RNF207: variants seen among roughly 807,000 people sequenced by gnomAD.
The protein encoded by RNF207 is OTTHUMG00000001089.
In RNF207, 72 loss-of-function variants were observed where a neutral mutation model predicts 79.0. The observed-to-expected ratio is 0.91, with a 90% confidence interval of 0.75 to 1.11. RNF207 has a LOEUF of 1.11. Ranked by LOEUF, RNF207 falls within the 50% of genes least tolerant of loss-of-function variation. The pLI, the probability that RNF207 is intolerant of heterozygous loss-of-function variation, is 0.00. For missense variants in RNF207, 936 were observed against 855.8 expected, an observed-to-expected ratio of 1.09 and a Z score of -1.17; for synonymous variants, 348 against 366.2, an observed-to-expected ratio of 0.95 and a Z score of 0.57.
chr1:6,210,511 C>G (rs1458576737), intron 10 of RNF207, 73 bp downstream of exon 10: 2 of 1,198,180 alleles, frequency 1.7e-6, no homozygotes, highest in East Asian at 4.7e-5. Flanking sequence ...GCCACCAACT[C>G]AGGGGTGGGC....
intron 16 of RNF207, among the ~76,000 whole-genome samples, chr1:6,216,592 G>A (rs573096377): frequency 7.5e-5 from 11 of 146,130 alleles, no homozygotes; most frequent in African/African-American, 2.9e-4. Context: ...ACCGAGTCTC[G>A]CTCTGTCGCC....
intron 16 of RNF207, among the ~76,000 whole-genome samples, chr1:6,215,331 CT>C (rs147320112): frequency 0.063 from 8,674 of 138,724 alleles, 350 homozygotes; most frequent in African/African-American, 0.14. Context: ...CCCGGCCCCC[CT>C]TTTTTTTTTT....
At chr1:6,216,599 C>T (rs1280470916) in intron 16 of RNF207, among the ~76,000 whole-genome samples, 15 of 149,426 alleles carry the variant, frequency 1.0e-4, no homozygotes, top group African/African-American at 3.2e-4. Flanking sequence ...CTCGCTCTGT[C>T]GCCCAAACTG....
At chr1:6,218,035 C>T (rs1668419147) in intron 16 of RNF207, among the ~76,000 whole-genome samples, 1 of 152,262 alleles carries the variant, frequency 6.6e-6, no homozygotes, top group Non-Finnish European at 1.5e-5. Context: ...CACCACACAC[C>T]CTTCCCTCCC....
Position 6,207,434 on chromosome 1 carries a change from C to G in RNF207, c.247C>G (p.Gln83Glu). 3 of 1,560,366 alleles carry G rather than the reference C, an allele frequency of 1.9e-6. No individual in the cohort carries two copies. The highest frequency in any genetic ancestry group is 2.6e-6 in the Non-Finnish European group (3 of 1,150,608). ...SGLPPVDRLL[Q>E]FLVDSSGDGV... is the part of the protein sequence containing the mutation. ...GCTCCCGCCGGTGGACCGGCTGCTG[C>G]AGTTCCTGGTGGACAGCTCAGGGGA... is the stretch of plus-strand genomic sequence containing the variant. Residue 83 changes from glutamine to glutamate, a missense_variant, in exon 3 of 18, where the codon CAG becomes GAG. Transcript: ENST00000377939. This position sits in a 1 kb window ranked among gnomAD's most constrained non-coding sequence, Gnocchi z 4.5.
chr1:6,209,710 G>C (rs915057818), intron 7 of RNF207, among the ~76,000 whole-genome samples, 171 bp downstream of exon 7: 1 of 152,174 alleles, frequency 6.6e-6, no homozygotes, highest in Non-Finnish European at 1.5e-5. Flanking sequence ...CCGCAGGCTG[G>C]TGGTGGGGGT....
chr1:6,213,306 A>T lies in RNF207; in HGVS notation c.1652+123A>T, dbSNP rs1248200315. ...GAGGCTGAGGTGGGCGGATAACCTG[A>T]GGTCAGCAGTTCGAGACCAGCCTGG... On this transcript the variant is annotated intron_variant, in intron 16 of 17. Transcript: ENST00000377939. 3 of 586,326 alleles carry T rather than the reference A, an allele frequency of 5.1e-6. No homozygotes were observed. The Admixed American group carries it at 9.2e-5, about 18-fold the overall frequency. The allele number at this position is 586,326 out of a possible 1,614,324, so 36.3% of individuals were successfully genotyped here.
Position 6,209,008 on chromosome 1 carries a change from A to C in RNF207, c.452A>C (p.Asp151Ala). Reference protein sequence around the residue: ...DIVALGQRSRDVPQKCTLHAE... With the variant: ...DIVALGQRSRAVPQKCTLHAE... ...GTGGCCCTGGGTCAGCGAAGCCGCG[A>C]CGTGCCCCAGAAGTGCAGTGAGTGA... Residue 151 changes from aspartate (D) to alanine (A), a missense_variant, in exon 4 of 18, where the codon GAC (aspartate) becomes GCC (alanine). By Grantham distance (126) the Asp-to-Ala change is moderately radical. Transcript: ENST00000377939. The C allele has an allele frequency of 6.7e-7, 1 of 1,490,194 alleles. No homozygotes were observed. The highest frequency in any genetic ancestry group is 1.2e-5 in the South Asian group (1 of 83,030). 92.3% of individuals were successfully genotyped at this position (1,490,194 alleles called of 1,614,324 possible). A position where few individuals can be genotyped will look rare whatever the true frequency, so the allele number is the denominator to read the frequency against.
chr1:6,211,730 T>G lies in RNF207; in HGVS notation c.1110-137T>G, dbSNP rs72853042. On this transcript the variant is annotated intron_variant, in intron 12 of 17. Coordinates refer to ENST00000377939, the MANE Select transcript of RNF207 (RefSeq NM_207396.3). This position sits in a 1 kb window ranked among gnomAD's most constrained non-coding sequence, Gnocchi z 4.2. ...GAGGCCTTGCCTCAGCCTTTTCAAA[T>G]CTCCTGGTGGCTCTGCTGTGCTCCA... 0.069 allele frequency: 43,223 copies of G among 624,258 alleles called. 3,756 individuals are homozygous for G. Among genetic ancestry groups the G allele is most frequent in the African/African-American group, 0.33 (17,942 of 54,232 alleles). 38.7% of individuals were successfully genotyped at this position (624,258 alleles called of 1,614,324 possible).
At chr1:6,219,187 A>G in intron 17 of RNF207, 49 bp from the exon 18 acceptor site, 1 of 1,527,420 alleles carries the variant, frequency 6.5e-7, no homozygotes, top group Non-Finnish European at 8.9e-7. Flanking sequence ...GTGCAGGGAT[A>G]TGGTGAAATG....
chr1:6,213,468 TAA>T (rs547886824), intron 16 of RNF207, among the ~76,000 whole-genome samples: 40 of 119,208 alleles, frequency 3.4e-4, no homozygotes, highest in Admixed American at 6.1e-4. Context: ...GACCTTGTCT[TAA>T]AAAAAAAAAA....
chr1:6,210,405 G>A lies in RNF207; in HGVS notation c.909G>A (p.Leu303=). Residue 303 remains leucine, a synonymous_variant, in exon 10 of 18, where the codon TTG becomes TTA. Transcript: ENST00000377939. ...TCATCTGCTCCTCCTTCCTCAGCTTGGCCAACAAGGCTGAGTTCCTGGACC... is the reference window on the plus strand; with the variant it reads ...TCATCTGCTCCTCCTTCCTCAGCTTAGCCAACAAGGCTGAGTTCCTGGACC... ...HLVICSSFLS[L]ANKAEFLDLG... is the part of the protein sequence containing the mutation. 6.2e-7 allele frequency: 1 copy of A among 1,613,644 alleles called. No homozygotes were observed. Among genetic ancestry groups the A allele is most frequent in the Non-Finnish European group, 8.5e-7 (1 of 1,179,876 alleles).
In RNF207 at chr1:6,211,049, C is replaced by A. The variant is rs756440460; in HGVS notation, c.1040C>A (p.Ala347Glu). The change falls in exon 12 of 18, where the codon GCG becomes GAG. Residue 347 changes from alanine to glutamate, a missense_variant. Ala to Glu is a moderately radical substitution (Grantham distance 107). Coordinates refer to ENST00000377939, the MANE Select transcript of RNF207 (RefSeq NM_207396.3). The surrounding 1 kb of genome is among the most constrained non-coding windows in gnomAD (Gnocchi z 4.2). ...KIASDHRAEF[A>E]RCLEPLLLLG... ...GCCAGTGACCACCGAGCTGAATTCGCGCGCTGTCTGGAGCCACTGCTGCTG... is the reference window on the plus strand; with the variant it reads ...GCCAGTGACCACCGAGCTGAATTCGAGCGCTGTCTGGAGCCACTGCTGCTG... 1.2e-6 allele frequency: 2 copies of A among 1,609,068 alleles called. No individual in the cohort carries two copies. Among genetic ancestry groups the A allele is most frequent in the Middle Eastern group, 1.7e-4 (1 of 6,050 alleles).
chr1:6,213,774 A>G (rs1378144501), intron 16 of RNF207, among the ~76,000 whole-genome samples: 2 of 152,164 alleles, frequency 1.3e-5, no homozygotes, highest in African/African-American at 2.4e-5. Context: ...AACTTCATCA[A>G]TGTAAGACAA....
rs1356268281 is a variant in RNF207 at position 6,217,661 on chromosome 1, TG to T, written c.1653-627del. On this transcript the variant is annotated intron_variant, in intron 16 of 17. Transcript: ENST00000377939. The surrounding 1 kb of genome is among the most constrained non-coding windows in gnomAD (Gnocchi z 4.2). ...CACCCCCAAGTCCTGCTGGCTCTACTGTTCCTGCCTCAATCCACCCGCTTTG... is the reference window on the plus strand; with the variant it reads ...CACCCCCAAGTCCTGCTGGCTCTACTTTCCTGCCTCAATCCACCCGCTTTG... Among the ~76,000 whole-genome samples the T allele has an allele frequency of 3.3e-5, 5 of 152,186 alleles. No individual in the cohort carries two copies. The highest frequency in any genetic ancestry group is 2.0e-4 in the Admixed American group (3 of 15,280).
At chr1:6,212,536 G>C in intron 14 of RNF207, 120 bp downstream of exon 14, 1 of 1,267,668 alleles carries the variant, frequency 7.9e-7, no homozygotes, top group Non-Finnish European at 1.1e-6. Flanking sequence ...CATGTGGCAG[G>C]GTCTGGAAAC....
rs1283279310 is a variant in RNF207, at chr1:6,217,553, A to G, written c.1653-736A>G. Among the ~76,000 whole-genome samples, 1 of 152,040 alleles carries G rather than the reference A, an allele frequency of 6.6e-6. No individual in the cohort carries two copies. Among genetic ancestry groups the G allele is most frequent in the Non-Finnish European group, 1.5e-5 (1 of 67,996 alleles). The stretch of plus-strand genomic sequence containing the variant: ...GCAGACATGCTATTCCCATCTCCCC[A>G]TCTCAGTGAATAGCACCACATTCAC... On this transcript the variant is annotated intron_variant, in intron 16 of 17. Coordinates refer to ENST00000377939, the MANE Select transcript of RNF207 (RefSeq NM_207396.3). This position sits in a 1 kb window ranked among gnomAD's most constrained non-coding sequence, Gnocchi z 4.2.
At position 6,216,551 on chromosome 1, in the gene RNF207, G is replaced by A. The variant is rs182821386; in HGVS notation, c.1653-1738G>A. On this transcript the variant is annotated intron_variant, in intron 16 of 17. Transcript: ENST00000377939. The stretch of plus-strand genomic sequence containing the variant: ...CCTCTCAGCAGCACTCGTGAGCATC[G>A]CCATATTCATCTTTTTTTTTTTTTT... 3.4e-3 allele frequency among the ~76,000 whole-genome samples: 511 copies of A among 148,930 alleles called. 2 individuals are homozygous for A. The highest frequency in any genetic ancestry group is 0.012 in the African/African-American group (486 of 39,802).
Position 6,211,211 on chromosome 1 carries a change from C to A in RNF207, c.1109+93C>A. 1.2e-6 allele frequency: 1 copy of A among 802,570 alleles called. No individual in the cohort carries two copies. Among genetic ancestry groups the A allele is most frequent in the Non-Finnish European group, 2.0e-6 (1 of 506,664 alleles). 49.7% of individuals were successfully genotyped at this position (802,570 alleles called of 1,614,324 possible). A position where few individuals can be genotyped will look rare whatever the true frequency, so the allele number is the denominator to read the frequency against. ...GAGGGGCCAGATCGCCAGCAAGAAG[C>A]CAGGTGCCACCATTCCTTCCTCCGT... is the stretch of plus-strand genomic sequence containing the variant. On this transcript the variant is annotated intron_variant, in intron 12 of 17. Transcript: ENST00000377939. This position sits in a 1 kb window ranked among gnomAD's most constrained non-coding sequence, Gnocchi z 4.2.
Sources: allele counts gnomAD v4.1 joint callset (sites outside exome capture counted in the v4.1 genomes callset), GRCh38; gene constraint gnomAD v4.1.1; non-coding constraint Gnocchi (gnomAD v3.1); transcripts MANE v1.5; gene names NCBI Gene and HGNC (gene_info 2026-07-23, HGNC 2026-07-21).